ZNF655: variants seen among roughly 807,000 people sequenced by gnomAD.
ZNF655 encodes the protein Vav-interacting Kruppel-like protein 1.
Under a neutral mutation model 6.6 loss-of-function variants are expected in ZNF655, and 3 were observed. The observed-to-expected ratio is 0.46, with a 90% CI of 0.21 to 1.18. The LOEUF (loss-of-function observed/expected upper bound fraction) is 1.18. ZNF655 is among the 50% of genes most tolerant of loss of function. The probability of loss-of-function intolerance (pLI) is 0.24; values close to 1 mark genes in which losing one functional copy is unlikely to be tolerated. For synonymous variants in ZNF655, 178 were observed against 195.0 expected, an observed-to-expected ratio of 0.91 and a Z score of 0.73; for missense variants, 526 against 572.3, an observed-to-expected ratio of 0.92 and a Z score of 0.83.
rs778909264 is a variant in ZNF655, at chr7:99,573,532, A to G, written c.1424A>G (p.Gln475Arg). Residue 475 changes from glutamine (Q) to arginine (R), a missense_variant, in exon 3 of 3, where the codon CAG (glutamine) becomes CGG (arginine). By Grantham distance (43) the Gln-to-Arg change is conservative (BLOSUM62 1). Transcript: ENST00000252713. ...GATGTATGGGAAAAGAACTCCAGTC[A>G]GAGAGCACATCTAGTTCAACATCAG... The part of the protein sequence containing the change: ...DCDVWEKNSS[Q>R]RAHLVQHQSI... 7 of 1,609,592 alleles carry G rather than the reference A, an allele frequency of 4.3e-6. No homozygotes were observed. Among genetic ancestry groups the G allele is most frequent in the Non-Finnish European group, 5.1e-6 (6 of 1,179,992 alleles).
chr7:99,572,115 G>GT (rs2151169530), intron 2 of ZNF655, 130 bp from the exon 3 acceptor site: 1 of 1,036,538 alleles, frequency 9.6e-7, no homozygotes, highest in East Asian at 2.6e-5. Flanking sequence ...TTTTGTGCCT[G>GT]TTTTTCAGAG....
intron 2 of ZNF655, among the ~76,000 whole-genome samples, chr7:99,568,475 C>A (rs936594572): frequency 6.6e-6 from 1 of 152,044 alleles, no homozygotes; most frequent in Non-Finnish European, 1.5e-5. Context: ...TGGTCTCGAT[C>A]TCCTGACCTT....
At chr7:99,562,334 C>G in intron 2 of ZNF655, 3 of 1,611,788 alleles carry the variant, frequency 1.9e-6, no homozygotes, top group Non-Finnish European at 2.5e-6. Flanking sequence ...ACAGTGTTCT[C>G]ATTCCTCAGA....
At chr7:99,561,920 C>A in intron 2 of ZNF655, 1 of 1,595,244 alleles carries the variant, frequency 6.3e-7, no homozygotes, top group Non-Finnish European at 8.5e-7. Context: ...TGCTCTTCCC[C>A]GTGAGGGAAG....
chr7:99,563,969 T>TA, intron 2 of ZNF655: 2 of 1,614,042 alleles, frequency 1.2e-6, no homozygotes, highest in South Asian at 2.2e-5. Context: ...TTGCCGTCCT[T>TA]ACAGCAGGAA....
At chr7:99,564,443 G>T in intron 2 of ZNF655, 2 of 1,013,010 alleles carry the variant, frequency 2.0e-6, no homozygotes, top group Non-Finnish European at 2.4e-6. Context: ...TGAAGTCCCT[G>T]TGGCCCTCTT....
At chr7:99,564,450 T>A in intron 2 of ZNF655, 1 of 1,008,188 alleles carries the variant, frequency 9.9e-7, no homozygotes, top group Non-Finnish European at 1.2e-6. Context: ...CCTGTGGCCC[T>A]CTTCAAGGTC....
intron 2 of ZNF655, among the ~76,000 whole-genome samples, chr7:99,569,777 T>C (rs1379168969): frequency 6.6e-6 from 1 of 152,214 alleles, no homozygotes; most frequent in Non-Finnish European, 1.5e-5. Context: ...ATTGTATCTT[T>C]ACCTGCTAGG....
rs570377939 is a variant in ZNF655, at chr7:99,570,989, C to T, written c.137-1256C>T. 1.5e-4 allele frequency: 28 copies of T among 184,698 alleles called. No individual in the cohort carries two copies. The Middle Eastern group carries it at 7.0e-3, about 46-fold the overall frequency. The allele number at this position is 184,698 out of a possible 1,614,324, so 11.4% of individuals were successfully genotyped here. On this transcript the variant is annotated intron_variant, in intron 2 of 2. Coordinates refer to ENST00000252713, the MANE Select transcript of ZNF655 (RefSeq NM_138494.3). ...TGTGAAGATGCACTGATTGCACTTC[C>T]CTCTCTATATTTTATTGTAGTTAGT...
rs147776368 is a variant in ZNF655, at chr7:99,573,286, C to T, written c.1178C>T (p.Ser393Leu). Residue 393 changes from serine to leucine, a missense_variant, in exon 3 of 3, where the codon TCA (serine) becomes TTA (leucine). Coordinates refer to ENST00000252713, the MANE Select transcript of ZNF655 (RefSeq NM_138494.3). ...SECGKDFRLN[S>L]HLIQHQRIHT... ...TGTGGAAAAGACTTCAGATTGAATT[C>T]ACATCTTATTCAGCATCAAAGAATT... 269 of 1,614,122 alleles carry T rather than the reference C, an allele frequency of 1.7e-4. 1 individual carries two copies. In the African/African-American group the frequency reaches 2.0e-3, roughly 12 times the overall value.
rs1358272337 is a variant in ZNF655, at chr7:99,574,285, A to C, written c.*701A>C. Reference sequence around the variant, plus strand: ...ATGAAATTGTTAATACATAGTCCCAATCTTTTTCATTGCACAAAAATCTAG... The same window carrying C: ...ATGAAATTGTTAATACATAGTCCCACTCTTTTTCATTGCACAAAAATCTAG... On this transcript the variant is annotated 3_prime_UTR_variant, in exon 3 of 3. Coordinates refer to ENST00000252713, the MANE Select transcript of ZNF655 (RefSeq NM_138494.3). The C allele has an allele frequency of 6.6e-6, 1 of 152,234 alleles. No homozygotes were observed. Among genetic ancestry groups the C allele is most frequent in the Non-Finnish European group, 1.5e-5 (1 of 68,048 alleles). 9.4% of individuals were successfully genotyped at this position (152,234 alleles called of 1,614,324 possible). A position where few individuals can be genotyped will look rare whatever the true frequency, so the allele number is the denominator to read the frequency against.
At chr7:99,568,759 A>T (rs925136248) in intron 2 of ZNF655, among the ~76,000 whole-genome samples, 1 of 150,334 alleles carries the variant, frequency 6.7e-6, no homozygotes, top group African/African-American at 2.4e-5. Context: ...TGCCTGGTCC[A>T]TAGATCCTCT....
At position 99,573,621 on chromosome 7, in the gene ZNF655, G is replaced by C. The variant is rs1014848669; in HGVS notation, c.*37G>C. On this transcript the variant is annotated 3_prime_UTR_variant, in exon 3 of 3. Coordinates refer to ENST00000252713, the MANE Select transcript of ZNF655 (RefSeq NM_138494.3). The stretch of plus-strand genomic sequence containing the variant: ...ATGGGAAGATATTTATCAAATTCAG[G>C]CTTCATTCAGCATCTGAGAGTTCAC... 9.6e-6 allele frequency: 15 copies of C among 1,569,044 alleles called. No homozygotes were observed. In the African/African-American group the frequency reaches 1.8e-4, roughly 18 times the overall value.
At chr7:99,569,000 G>A (rs1033085013) in intron 2 of ZNF655, among the ~76,000 whole-genome samples, 2 of 152,066 alleles carry the variant, frequency 1.3e-5, no homozygotes, top group African/African-American at 2.4e-5. Context: ...GCCCAGGCTG[G>A]TCTCAGACTC....
Position 99,573,375 on chromosome 7 carries a change from C to G in ZNF655, c.1267C>G (p.Leu423Val), listed in dbSNP as rs367802632. The G allele has an allele frequency of 9.3e-6, 15 of 1,614,126 alleles. No individual in the cohort carries two copies. Among genetic ancestry groups the G allele is most frequent in the African/African-American group, 2.7e-5 (2 of 75,032 alleles). The change falls in exon 3 of 3, where the codon CTT becomes GTT. Residue 423 changes from leucine (L) to valine (V), a missense_variant. By Grantham distance (32) the Leu-to-Val change is conservative. Coordinates refer to ENST00000252713, the MANE Select transcript of ZNF655 (RefSeq NM_138494.3). ...AAAAGCTTTCAGTCAAACCTCATGC[C>G]TTATTCAGCATCACAAAATGCATAG... ...CGKAFSQTSC[L>V]IQHHKMHRKE... is the part of the protein sequence containing the mutation.
Position 99,574,046 on chromosome 7 carries a change from C to T in ZNF655, c.*462C>T, listed in dbSNP as rs1299345440. Reference sequence around the variant, plus strand: ...GTGAGGAGATTCAGTCATAACCCAACGCTCATTCAACATCAAAGAATTTAT... The same window carrying T: ...GTGAGGAGATTCAGTCATAACCCAATGCTCATTCAACATCAAAGAATTTAT... On this transcript the variant is annotated 3_prime_UTR_variant, in exon 3 of 3. Coordinates refer to ENST00000252713, the MANE Select transcript of ZNF655 (RefSeq NM_138494.3). 6.3e-6 allele frequency: 1 copy of T among 157,786 alleles called. No individual in the cohort carries two copies. Among genetic ancestry groups the T allele is most frequent in the African/African-American group, 2.4e-5 (1 of 41,498 alleles). 9.8% of individuals were successfully genotyped at this position (157,786 alleles called of 1,614,324 possible). A position where few individuals can be genotyped will look rare whatever the true frequency, so the allele number is the denominator to read the frequency against.
intron 2 of ZNF655, chr7:99,564,087 A>G: frequency 6.3e-7 from 1 of 1,578,828 alleles, no homozygotes; most frequent in African/African-American, 1.4e-5. Context: ...ATGGAATAGA[A>G]GCTCCCCAGG....
intron 2 of ZNF655, among the ~76,000 whole-genome samples, chr7:99,566,195 A>T (rs553508702): frequency 6.6e-6 from 1 of 152,310 alleles, no homozygotes; most frequent in Non-Finnish European, 1.5e-5. Context: ...CTTGGGACCC[A>T]GATCTGCCTC....
At chr7:99,564,697 A>G (rs896295944) in intron 2 of ZNF655, 1 of 985,236 alleles carries the variant, frequency 1.0e-6, no homozygotes, top group Non-Finnish European at 1.2e-6. Flanking sequence ...CAGAGTTTCC[A>G]ACAGTTAACC....
Sources: gnomAD v4.1 joint callset for allele counts (sites outside exome capture counted in the v4.1 genomes callset) on GRCh38, gnomAD v4.1.1 for gene constraint, MANE v1.5 for transcripts, NCBI Gene and HGNC (gene_info 2026-07-23, HGNC 2026-07-21) for gene names.